Variants in SMURF2 observed in about 807,000 individuals in gnomAD.
SMURF2 encodes E3 ubiquitin-protein ligase SMURF2.
In SMURF2, 48 loss-of-function variants were observed where a neutral mutation model predicts 109.6. The observed-to-expected ratio is 0.44, with a 90% CI of 0.35 to 0.56. The LOEUF (loss-of-function observed/expected upper bound fraction) is 0.56. SMURF2 is among the 20% of genes least tolerant of loss of function. The pLI is 0.01. For missense variants in SMURF2, 575 were observed against 909.0 expected, an observed-to-expected ratio of 0.63 and a Z score of 4.72; for synonymous variants, 288 against 317.1, an observed-to-expected ratio of 0.91 and a Z score of 0.97.
At chr17:64,625,343 G>A (rs1970253801) in intron 1 of SMURF2, among the ~76,000 whole-genome samples, 1 of 152,176 alleles carries the variant, frequency 6.6e-6, no homozygotes, top group Non-Finnish European at 1.5e-5. Flanking sequence ...GCACACTTAA[G>A]CAAAAATGCA....
chr17:64,600,911 A>C (rs1475757009), intron 2 of SMURF2, among the ~76,000 whole-genome samples: 3 of 152,150 alleles, frequency 2.0e-5, no homozygotes, highest in Non-Finnish European at 2.9e-5. Context: ...TGAAGAATTA[A>C]GTCTCTCTGG....
At chr17:64,658,208 C>A (rs535248652) in intron 1 of SMURF2, among the ~76,000 whole-genome samples, 12 of 152,000 alleles carry the variant, frequency 7.9e-5, no homozygotes, top group South Asian at 6.3e-4. Context: ...ACAAAAAAAA[C>A]CAGCCAGGCG....
At chr17:64,549,427 A>G (rs1297427423) in intron 16 of SMURF2, among the ~76,000 whole-genome samples, 1 of 151,898 alleles carries the variant, frequency 6.6e-6, no homozygotes, top group Non-Finnish European at 1.5e-5. Flanking sequence ...TAGGCAACAG[A>G]GTGAGACTCT....
intron 2 of SMURF2, among the ~76,000 whole-genome samples, chr17:64,604,580 G>A (rs1555688869): frequency 6.6e-6 from 1 of 152,050 alleles, no homozygotes; most frequent in African/African-American, 2.4e-5. Context: ...AAGGAAAGCT[G>A]GGAGACAAAA....
At chr17:64,563,825 C>T (rs1255942337) in intron 10 of SMURF2, among the ~76,000 whole-genome samples, 2 of 152,070 alleles carry the variant, frequency 1.3e-5, no homozygotes, top group East Asian at 3.9e-4. Context: ...CCCAGGCTGG[C>T]CCTGAACTCC....
At chr17:64,579,334 C>T (rs1198742525) in intron 8 of SMURF2, among the ~76,000 whole-genome samples, 1 of 151,414 alleles carries the variant, frequency 6.6e-6, no homozygotes, top group African/African-American at 2.4e-5. Flanking sequence ...AGACAAAATC[C>T]AGTGAGAAAC....
At chr17:64,585,609 C>T (rs1969641570) in intron 6 of SMURF2, among the ~76,000 whole-genome samples, 1 of 152,090 alleles carries the variant, frequency 6.6e-6, no homozygotes, top group South Asian at 2.1e-4. Flanking sequence ...TACTGCCTTC[C>T]AAGATGCTAT....
intron 1 of SMURF2, among the ~76,000 whole-genome samples, chr17:64,619,467 G>A (rs1196211968): frequency 1.8e-5 from 2 of 110,664 alleles, no homozygotes; most frequent in African/African-American, 3.7e-5. Context: ...GACACGGCGA[G>A]ACTCTTGTCT....
chr17:64,563,852 C>T (rs1373369021), intron 10 of SMURF2, among the ~76,000 whole-genome samples: 2 of 152,154 alleles, frequency 1.3e-5, no homozygotes, highest in Non-Finnish European at 2.9e-5. Context: ...AAGTGATCCT[C>T]CTGCCTCAGC....
chr17:64,550,528 C>G (rs1969027958), intron 16 of SMURF2, among the ~76,000 whole-genome samples: 1 of 151,964 alleles, frequency 6.6e-6, no homozygotes, highest in Non-Finnish European at 1.5e-5. Context: ...ACCTGTAATC[C>G]CAGCACTGTG....
At position 64,617,699 on chromosome 17, in the gene SMURF2, G is replaced by A. The variant is rs973863163; in HGVS notation, c.53-11059C>T. 2.0e-5 allele frequency among the ~76,000 whole-genome samples: 3 copies of A among 151,980 alleles called. No individual in the cohort carries two copies. In the East Asian group the frequency reaches 5.8e-4, roughly 29 times the overall value. ...GATGGGGTCTTGCCATGTTGCCCAG[G>A]CTCAAGCAATCCTCCTACCTCAGTC... On this transcript the variant is annotated intron_variant, in intron 1 of 18. Coordinates refer to ENST00000262435, the MANE Select transcript of SMURF2 (RefSeq NM_022739.4).
chr17:64,627,260 A>G (rs1970280402), intron 1 of SMURF2, among the ~76,000 whole-genome samples: 2 of 151,844 alleles, frequency 1.3e-5, no homozygotes, highest in South Asian at 4.2e-4. Flanking sequence ...GATTACAGGC[A>G]TGTGCCACCA....
intron 1 of SMURF2, among the ~76,000 whole-genome samples, chr17:64,660,595 A>G (rs1229219360): frequency 6.6e-6 from 1 of 152,246 alleles, no homozygotes; most frequent in African/African-American, 2.4e-5. Flanking sequence ...AAGTTCAGCC[A>G]GTGGACTGGG....
intron 1 of SMURF2, among the ~76,000 whole-genome samples, chr17:64,611,669 C>A (rs1970046538): frequency 6.6e-6 from 1 of 152,214 alleles, no homozygotes; most frequent in Admixed American, 6.5e-5. Context: ...CATCTACTGT[C>A]TAGGTAATTA....
intron 10 of SMURF2, among the ~76,000 whole-genome samples, chr17:64,568,233 G>A (rs868930659): frequency 1.3e-5 from 2 of 150,976 alleles, no homozygotes; most frequent in South Asian, 2.1e-4. Flanking sequence ...CAGGCAATCC[G>A]CCCGCCTCAG....
At chr17:64,616,654 CAAAAA>C (rs376620328) in intron 1 of SMURF2, among the ~76,000 whole-genome samples, 1 of 84,952 alleles carries the variant, frequency 1.2e-5, no homozygotes. Flanking sequence ...GACTCTGTCT[CAAAAA>C]AAAAAAAAAA....
chr17:64,626,860 T>C (rs79298587), intron 1 of SMURF2, among the ~76,000 whole-genome samples: 2,237 of 151,796 alleles, frequency 0.015, 49 homozygotes, highest in African/African-American at 0.051. Context: ...ACAAAATCTA[T>C]ATCTAGATTT....
chr17:64,591,242 T>C, intron 4 of SMURF2, 93 bp from the exon 5 acceptor site: 2 of 929,266 alleles, frequency 2.2e-6, no homozygotes, highest in South Asian at 3.0e-5. Flanking sequence ...CACAATCCAT[T>C]AGAAATCAAA....
intron 1 of SMURF2, among the ~76,000 whole-genome samples, chr17:64,614,754 C>T (rs546830280): frequency 2.6e-5 from 4 of 152,344 alleles, no homozygotes; most frequent in African/African-American, 9.6e-5. Flanking sequence ...TCAACATTTC[C>T]TGAACACTCA....
Sources: allele counts gnomAD v4.1 joint callset (sites outside exome capture counted in the v4.1 genomes callset), GRCh38; gene constraint gnomAD v4.1.1; transcripts MANE v1.5; gene names NCBI Gene and HGNC (gene_info 2026-07-23, HGNC 2026-07-21).